Variants in SNAP47 observed in about 807,000 individuals in gnomAD.
SNAP47 encodes the protein synaptosomal-associated protein 47.
Under a neutral mutation model 31.4 loss-of-function variants are expected in SNAP47, and 20 were observed. The ratio of observed to expected loss-of-function variants is 0.64; its 90% CI spans 0.45 to 0.93. The LOEUF (loss-of-function observed/expected upper bound fraction) is 0.93, where lower values mean the gene tolerates loss of function less well. Ranked by LOEUF, SNAP47 falls within the 40% of genes least tolerant of loss-of-function variation. The pLI, the probability that SNAP47 is intolerant of heterozygous loss-of-function variation, is 0.00. For synonymous variants in SNAP47, 194 were observed against 213.4 expected, an observed-to-expected ratio of 0.91 and a Z score of 0.79; for missense variants, 492 against 528.5, an observed-to-expected ratio of 0.93 and a Z score of 0.68.
chr1:227,780,446 G>T, intron 4 of SNAP47, 81 bp from the exon 5 acceptor site: 1 of 1,581,334 alleles, frequency 6.3e-7, no homozygotes, highest in Non-Finnish European at 8.6e-7. Context: ...AGGCTCTTGG[G>T]TGTGTGAGAG....
Position 227,773,429 on chromosome 1 carries a change from A to G in SNAP47, c.1113+6346A>G, listed in dbSNP as rs576691680. Among the ~76,000 whole-genome samples, 3 of 152,330 alleles carry G rather than the reference A, an allele frequency of 2.0e-5. No homozygotes were observed. The South Asian group carries it at 6.2e-4, about 32-fold the overall frequency. ...AGAGTTAAAGAAAATCGTAGTTTGT[A>G]ATATACAAAAGTTACAGGAAGCTAA... On this transcript the variant is annotated intron_variant, in intron 4 of 4. Transcript: ENST00000617596.
chr1:227,774,453 A>G (rs556906884), intron 4 of SNAP47, among the ~76,000 whole-genome samples: 1 of 152,176 alleles, frequency 6.6e-6, no homozygotes, highest in East Asian at 1.9e-4. Flanking sequence ...GTGGCCCTCA[A>G]TGGCAGGGGT....
upstream of SNAP47, chr1:227,734,597 G>A (rs1351321314): frequency 3.2e-6 from 5 of 1,585,430 alleles, no homozygotes; most frequent in Non-Finnish European, 4.3e-6. Context: ...AAGGCCTCTG[G>A]GTTCACGCAG....
chr1:227,732,635 A>G (rs1304114989), upstream of SNAP47: 1 of 1,613,430 alleles, frequency 6.2e-7, no homozygotes, highest in African/African-American at 1.3e-5. Context: ...GGAAGTGGTA[A>G]AACTCTTCAA....
chr1:227,730,158 GGGCTAACCACCGCACATCTGCA>G (rs1401781544), upstream of SNAP47, among the ~76,000 whole-genome samples: 1 of 152,180 alleles, frequency 6.6e-6, no homozygotes, highest in Non-Finnish European at 1.5e-5. Context: ...CAAAGGGCAG[GGGCTAACCACCGCACATCTGCA>G]GCTCCTCACC....
At chr1:227,740,793 G>A (rs142780263) in intron 1 of SNAP47, among the ~76,000 whole-genome samples, 1 of 152,302 alleles carries the variant, frequency 6.6e-6, no homozygotes, top group Admixed American at 6.5e-5. Flanking sequence ...TGGGCCCGTG[G>A]TGACTTTACT....
chr1:227,740,269 G>A (rs563845415), intron 1 of SNAP47, among the ~76,000 whole-genome samples: 128 of 152,342 alleles, frequency 8.4e-4, no homozygotes, highest in African/African-American at 3.0e-3. Context: ...CAGGGAGGCC[G>A]CAGGTCCTGC....
intron 4 of SNAP47, among the ~76,000 whole-genome samples, chr1:227,767,582 T>C (rs756408005): frequency 6.6e-6 from 1 of 152,124 alleles, no homozygotes; most frequent in Non-Finnish European, 1.5e-5. Flanking sequence ...TGTATGCACA[T>C]GTGTGTGCTG....
upstream of SNAP47, chr1:227,734,057 A>C (rs1454405435): frequency 6.2e-7 from 1 of 1,607,662 alleles, no homozygotes. Context: ...CAAGGGCACC[A>C]CCGACAGCAC....
chr1:227,746,980 A>G (rs914682222), intron 1 of SNAP47: 1 of 152,238 alleles, frequency 6.6e-6, no homozygotes, highest in Non-Finnish European at 1.5e-5. Flanking sequence ...GTTCAAATCT[A>G]TCATCCAAGA....
upstream of SNAP47, among the ~76,000 whole-genome samples, chr1:227,728,295 G>T (rs1344228478): frequency 2.0e-5 from 3 of 152,018 alleles, no homozygotes; most frequent in Non-Finnish European, 4.4e-5. Flanking sequence ...GTAGGGAAGG[G>T]TTGTTACTGG....
chr1:227,759,598 C>G, intron 3 of SNAP47, 113 bp downstream of exon 3: 1 of 1,397,208 alleles, frequency 7.2e-7, no homozygotes, highest in Non-Finnish European at 9.7e-7. Flanking sequence ...AGCTGCTGGC[C>G]TCCAGCTTGC....
intron 1 of SNAP47, among the ~76,000 whole-genome samples, chr1:227,729,054 C>G: frequency 6.6e-6 from 1 of 152,212 alleles, no homozygotes; most frequent in East Asian, 1.9e-4. Flanking sequence ...CAGGTGGGGT[C>G]TATCTGGGGT....
intron 2 of SNAP47, among the ~76,000 whole-genome samples, chr1:227,752,369 C>T (rs901477430): frequency 6.6e-6 from 1 of 152,116 alleles, no homozygotes; most frequent in Non-Finnish European, 1.5e-5. Flanking sequence ...TCATTCATCC[C>T]GTAACTGAAG....
At chr1:227,765,079 A>C (rs1663305766) in intron 3 of SNAP47, among the ~76,000 whole-genome samples, 1 of 152,204 alleles carries the variant, frequency 6.6e-6, no homozygotes, top group Non-Finnish European at 1.5e-5. Flanking sequence ...CATTGTAGCC[A>C]AGGAATTGCA....
intron 2 of SNAP47, among the ~76,000 whole-genome samples, chr1:227,754,755 T>G (rs1662591606): frequency 6.6e-6 from 1 of 152,076 alleles, no homozygotes; most frequent in East Asian, 1.9e-4. Context: ...AGGGGAACAC[T>G]GAGGAAATGA....
intron 4 of SNAP47, among the ~76,000 whole-genome samples, chr1:227,768,092 C>G (rs1663555275): frequency 6.6e-6 from 1 of 152,236 alleles, no homozygotes. Context: ...ACCGTACTGC[C>G]ACTGTCGCCT....
At chr1:227,745,225 A>T (rs1230980593) in intron 1 of SNAP47, among the ~76,000 whole-genome samples, 1 of 152,210 alleles carries the variant, frequency 6.6e-6, no homozygotes, top group Non-Finnish European at 1.5e-5. Context: ...AGAAATACCA[A>T]CGAATCAAAA....
chr1:227,732,500 C>A, upstream of SNAP47: 1 of 1,613,364 alleles, frequency 6.2e-7, no homozygotes, highest in Non-Finnish European at 8.5e-7. Flanking sequence ...GGTGCGCAAC[C>A]AAGGAGGCCA....
Sources: allele counts gnomAD v4.1 joint callset (sites outside exome capture counted in the v4.1 genomes callset), GRCh38; gene constraint gnomAD v4.1.1; transcripts MANE v1.5; gene names NCBI Gene and HGNC (gene_info 2026-07-23, HGNC 2026-07-21).